Variants in CCSER1 observed in about 807,000 individuals in gnomAD.
CCSER1 encodes the protein serine-rich coiled-coil domain-containing protein 1.
A neutral mutation model predicts 82.0 loss-of-function variants in CCSER1; 41 were observed. That is an observed-to-expected ratio of 0.50 (90% CI 0.39 to 0.65). The LOEUF is 0.65. Ranked by LOEUF, CCSER1 falls within the 30% of genes least tolerant of loss-of-function variation. The probability of loss-of-function intolerance (pLI) is 0.00; values close to 1 mark genes in which losing one functional copy is unlikely to be tolerated. For missense variants in CCSER1, 1,119 were observed against 1,064.2 expected, an observed-to-expected ratio of 1.05 and a Z score of -0.72; for synonymous variants, 414 against 383.9, an observed-to-expected ratio of 1.08 and a Z score of -0.92.
At chr4:90,628,263 C>A in intron 6 of CCSER1, 31 bp downstream of exon 6, 1 of 1,552,798 alleles carries the variant, frequency 6.4e-7, no homozygotes, top group South Asian at 1.1e-5. Flanking sequence ...TAATGTCCTT[C>A]AGTGCTGGTA....
chr4:91,050,430 CA>C (rs141375504), intron 9 of CCSER1, among the ~76,000 whole-genome samples: 9,492 of 140,928 alleles, frequency 0.067, 766 homozygotes, highest in African/African-American at 0.2. Context: ...GACTCTGTCT[CA>C]AAAAAAAAAA....
intron 10 of CCSER1, among the ~76,000 whole-genome samples, chr4:91,405,843 AC>A (rs1413284866): frequency 1.3e-5 from 2 of 152,008 alleles, no homozygotes; most frequent in African/African-American, 4.8e-5. Context: ...GCAATGCCCC[AC>A]CCTGCTTTGG....
chr4:90,638,016 G>A (rs1043744246), intron 6 of CCSER1, among the ~76,000 whole-genome samples: 4 of 152,182 alleles, frequency 2.6e-5, no homozygotes, highest in Admixed American at 1.3e-4. Context: ...GACAAAATAC[G>A]TACCCACAAA....
At chr4:90,977,366 A>G (rs1320211928) in intron 9 of CCSER1, among the ~76,000 whole-genome samples, 8 of 151,586 alleles carry the variant, frequency 5.3e-5, no homozygotes, top group Non-Finnish European at 1.2e-4. Context: ...AATCTTTGAC[A>G]TATACATACG....
At chr4:90,155,521 G>T (rs1237647799) in intron 1 of CCSER1, among the ~76,000 whole-genome samples, 4 of 152,074 alleles carry the variant, frequency 2.6e-5, no homozygotes, top group Admixed American at 2.6e-4. Flanking sequence ...GACTCTTTTT[G>T]GTTGGTAAGG....
intron 10 of CCSER1, among the ~76,000 whole-genome samples, chr4:91,309,501 A>C (rs1330911107): frequency 1.3e-5 from 2 of 152,040 alleles, no homozygotes; most frequent in Non-Finnish European, 2.9e-5. Flanking sequence ...AACCCTTATC[A>C]AAATTTAATG....
intron 10 of CCSER1, among the ~76,000 whole-genome samples, chr4:91,516,028 A>G (rs1250707952): frequency 4.0e-5 from 6 of 151,806 alleles, no homozygotes; most frequent in Non-Finnish European, 8.8e-5. Context: ...GTGTCGTTCA[A>G]GTATTTGTCC....
chr4:90,738,993 A>G (rs1374792521), intron 7 of CCSER1, among the ~76,000 whole-genome samples: 1 of 151,530 alleles, frequency 6.6e-6, no homozygotes, highest in Non-Finnish European at 1.5e-5. Flanking sequence ...AGCTTCAGTA[A>G]AAAGTCCCAT....
intron 3 of CCSER1, among the ~76,000 whole-genome samples, chr4:90,398,320 A>G (rs1012437846): frequency 6.6e-6 from 1 of 152,166 alleles, no homozygotes; most frequent in Non-Finnish European, 1.5e-5. Context: ...AGGATTTTTT[A>G]TAAATTTTGG....
intron 9 of CCSER1, among the ~76,000 whole-genome samples, chr4:91,001,803 G>A (rs1738064526): frequency 6.6e-6 from 1 of 152,126 alleles, no homozygotes; most frequent in African/African-American, 2.4e-5. Context: ...CATGCTATTT[G>A]TTGCCTGTAT....
chr4:90,347,535 C>T (rs923380417), intron 3 of CCSER1, among the ~76,000 whole-genome samples: 1 of 152,162 alleles, frequency 6.6e-6, no homozygotes, highest in Non-Finnish European at 1.5e-5. Flanking sequence ...TTTCAGGCTG[C>T]TCTTGTATCT....
At chr4:90,564,687 G>GAGTT (rs144118282) in intron 5 of CCSER1, among the ~76,000 whole-genome samples, 1,745 of 143,684 alleles carry the variant, frequency 0.012, 37 homozygotes, top group African/African-American at 0.041. Flanking sequence ...AATTCATTTT[G>GAGTT]TTTTTTTTTT....
intron 4 of CCSER1, among the ~76,000 whole-genome samples, chr4:90,460,645 A>G (rs1017560088): frequency 1.1e-4 from 17 of 152,190 alleles, no homozygotes; most frequent in African/African-American, 4.1e-4. Flanking sequence ...ATCTTAACAA[A>G]TATCTCAAGA....
At chr4:90,266,915 TGGG>T in intron 1 of CCSER1, among the ~76,000 whole-genome samples, 1 of 151,668 alleles carries the variant, frequency 6.6e-6, no homozygotes, top group Non-Finnish European at 1.5e-5. Flanking sequence ...CAAGTGGACT[TGGG>T]GGCTATAAGG....
At chr4:91,302,683 C>G (rs188087733) in intron 10 of CCSER1, among the ~76,000 whole-genome samples, 99 of 152,084 alleles carry the variant, frequency 6.5e-4, no homozygotes, top group African/African-American at 2.2e-3. Flanking sequence ...TATTACTTCT[C>G]TGACTTCCAG....
intron 8 of CCSER1, among the ~76,000 whole-genome samples, chr4:90,829,527 A>T (rs1760875649): frequency 6.6e-6 from 1 of 152,202 alleles, no homozygotes; most frequent in Admixed American, 6.5e-5. Context: ...CCATGAGTTA[A>T]CAGCAGCCTG....
chr4:91,143,605 G>C (rs1015409495), intron 10 of CCSER1, among the ~76,000 whole-genome samples: 1 of 151,954 alleles, frequency 6.6e-6, no homozygotes, highest in Admixed American at 6.6e-5. Flanking sequence ...GTTGGCTAAG[G>C]GTTTGTCATA....
At chr4:91,325,372 C>T (rs749885043) in intron 10 of CCSER1, 3 of 321,024 alleles carry the variant, frequency 9.3e-6, no homozygotes, top group Non-Finnish European at 1.8e-5. Context: ...CATAAGTATG[C>T]CATGTGTCAT....
intron 10 of CCSER1, among the ~76,000 whole-genome samples, chr4:91,129,618 A>G (rs989168915): frequency 6.6e-6 from 1 of 152,056 alleles, no homozygotes; most frequent in Non-Finnish European, 1.5e-5. Context: ...GAGAGAGACG[A>G]GTTAAAGAAT....
Sources: gnomAD v4.1 joint callset for allele counts (sites outside exome capture counted in the v4.1 genomes callset) on GRCh38, gnomAD v4.1.1 for gene constraint, MANE v1.5 for transcripts, NCBI Gene and HGNC (gene_info 2026-07-23, HGNC 2026-07-21) for gene names.